Variants in SCN10A observed in about 807,000 individuals in gnomAD.
The protein encoded by SCN10A is sodium voltage-gated channel alpha subunit 10.
In SCN10A, 162 loss-of-function variants were observed where a neutral mutation model predicts 170.7. That is an observed-to-expected ratio of 0.95 (90% CI 0.84 to 1.08). The LOEUF is 1.08. Among genes scored for constraint, SCN10A ranks in the 50% least tolerant of loss-of-function variants. The pLI is 0.00. For missense variants in SCN10A, 2,527 were observed against 2,436.9 expected (o/e 1.04, Z -0.78); for synonymous variants, 985 against 904.6 (o/e 1.09, Z -1.59).
chr3:38,700,016 G>A (rs779142152), intron 27 of SCN10A, among the ~76,000 whole-genome samples: 6 of 152,100 alleles, frequency 3.9e-5, no homozygotes, highest in African/African-American at 7.2e-5. Flanking sequence ...ACTTGGCTAT[G>A]TTTTATTTCT....
At chr3:38,776,465 T>C (rs1264612875) in intron 4 of SCN10A, among the ~76,000 whole-genome samples, 2 of 152,122 alleles carry the variant, frequency 1.3e-5, no homozygotes, top group Non-Finnish European at 2.9e-5. Flanking sequence ...TGTAAATAAC[T>C]GTCAGGTGAC....
chr3:38,754,461 A>C (rs1173372961), intron 11 of SCN10A, among the ~76,000 whole-genome samples: 1 of 152,194 alleles, frequency 6.6e-6, no homozygotes, highest in African/African-American at 2.4e-5. Context: ...TCCCTTTGAA[A>C]GTAAGCATCA....
rs568341536 is a variant in SCN10A, at chr3:38,783,769, T to C, written c.470+5187A>G. Among the ~76,000 whole-genome samples, 21 of 152,186 alleles carry C rather than the reference T, an allele frequency of 1.4e-4. No individual in the cohort carries two copies. In the South Asian group the frequency reaches 4.4e-3, roughly 32 times the overall value. ...AGCATATGTATGCTTACACCTTTACTAGATAATACCCCTTGCTTTCCAAAG... is the reference window on the plus strand; with the variant it reads ...AGCATATGTATGCTTACACCTTTACCAGATAATACCCCTTGCTTTCCAAAG... On this transcript the variant is annotated intron_variant, in intron 4 of 27. Coordinates refer to ENST00000449082, the MANE Select transcript of SCN10A (RefSeq NM_006514.4).
At chr3:38,798,905 T>A (rs1373663566) in intron 1 of SCN10A, among the ~76,000 whole-genome samples, 1 of 143,688 alleles carries the variant, frequency 7.0e-6, no homozygotes, top group Non-Finnish European at 1.5e-5. Context: ...TCCTCCCACC[T>A]CAGCCTCCCA....
At chr3:38,747,408 G>C (rs2063703036) in intron 13 of SCN10A, among the ~76,000 whole-genome samples, 1 of 152,178 alleles carries the variant, frequency 6.6e-6, no homozygotes, top group African/African-American at 2.4e-5. Context: ...TTACAACCTA[G>C]TAAATCATAA....
chr3:38,749,513 G>C (rs911543900), intron 13 of SCN10A, among the ~76,000 whole-genome samples: 2 of 152,150 alleles, frequency 1.3e-5, no homozygotes, highest in Non-Finnish European at 2.9e-5. Flanking sequence ...TACATTGCTG[G>C]GGAGACTGAG....
intron 20 of SCN10A, among the ~76,000 whole-genome samples, chr3:38,721,903 G>A (rs977547026): frequency 6.6e-6 from 1 of 152,218 alleles, no homozygotes; most frequent in Non-Finnish European, 1.5e-5. Flanking sequence ...CAGGGGCTTC[G>A]GGATTAAATA....
At chr3:38,737,824 C>CTTTG (rs1265694277) in intron 15 of SCN10A, among the ~76,000 whole-genome samples, 3 of 122,500 alleles carry the variant, frequency 2.4e-5, no homozygotes, top group Non-Finnish European at 4.8e-5. Context: ...TTCTTTCTTT[C>CTTTG]TTTCTTTCTC....
At chr3:38,809,659 T>C (rs189670321) in intron 1 of SCN10A, among the ~76,000 whole-genome samples, 296 of 152,284 alleles carry the variant, frequency 1.9e-3, no homozygotes, top group Non-Finnish European at 3.7e-3. Flanking sequence ...TTGGGCATCT[T>C]CTCTTCTGGA....
intron 27 of SCN10A, 29 bp downstream of exon 27, chr3:38,701,810 G>C (rs1330111791): frequency 1.3e-6 from 2 of 1,574,194 alleles, no homozygotes; most frequent in South Asian, 1.2e-5. Flanking sequence ...CAGAGGTGGG[G>C]CTTCCCCACC....
At chr3:38,719,245 T>A (rs2063363254) in intron 20 of SCN10A, among the ~76,000 whole-genome samples, 2 of 152,176 alleles carry the variant, frequency 1.3e-5, no homozygotes, top group Non-Finnish European at 2.9e-5. Context: ...GAATGTTCTA[T>A]CTCACTGGTA....
Position 38,697,102 on chromosome 3 carries a change from C to T in SCN10A, c.*247G>A, listed in dbSNP as rs2063096605. The T allele has an allele frequency of 1.8e-6, 1 of 546,074 alleles. No individual in the cohort carries two copies. The highest frequency in any genetic ancestry group is 2.5e-5 in the South Asian group (1 of 40,032). 33.8% of individuals were successfully genotyped at this position (546,074 alleles called of 1,614,324 possible). A position where few individuals can be genotyped will look rare whatever the true frequency, so the allele number is the denominator to read the frequency against. ...GGATATTTTCTGGAGAGTAAGAGAA[C>T]CCATGATCTGATATTGAAATTCAGA... On this transcript the variant is annotated 3_prime_UTR_variant, in exon 28 of 28. Coordinates refer to ENST00000449082, the MANE Select transcript of SCN10A (RefSeq NM_006514.4).
intron 11 of SCN10A, among the ~76,000 whole-genome samples, chr3:38,755,337 T>C (rs569471272): frequency 5.9e-5 from 9 of 151,528 alleles, no homozygotes; most frequent in Non-Finnish European, 1.2e-4. Context: ...ACAGGGAACC[T>C]TGCACTCTAG....
Position 38,761,233 on chromosome 3 carries a change from A to C in SCN10A, c.842T>G (p.Met281Arg). ...GTAGTTGGTTGTCTCATTGACAGCC[A>C]TGTCATTCTTGACACATTTATTTTT... ...NLKNKCVKND[M>R]AVNETTNYSS... Residue 281 changes from methionine to arginine, a missense_variant, in exon 7 of 28, where the codon ATG becomes AGG. Physicochemically the swap from Met to Arg is moderately conservative, Grantham distance 91 (BLOSUM62 -1). Coordinates refer to ENST00000449082, the MANE Select transcript of SCN10A (RefSeq NM_006514.4). 27 of 1,609,378 alleles carry C rather than the reference A, an allele frequency of 1.7e-5. No homozygotes were observed. The highest frequency in any genetic ancestry group is 2.3e-5 in the Non-Finnish European group (27 of 1,176,566).
chr3:38,697,842 A>T lies in SCN10A; in HGVS notation c.5378T>A (p.Val1793Asp), dbSNP rs751754553. ...CAAGCAGTGGATCTTATCTCCAGGGACCAAAGGCAGGTCCATCTGGATCAG... is the reference window on the plus strand; with the variant it reads ...CAAGCAGTGGATCTTATCTCCAGGGTCCAAAGGCAGGTCCATCTGGATCAG... ...NILIQMDLPL[V>D]PGDKIHCLDI... The change falls in exon 28 of 28, where the codon GTC (valine) becomes GAC (aspartate). Residue 1793 changes from valine to aspartate, a missense_variant. By Grantham distance (152) the Val-to-Asp change is radical (BLOSUM62 -3). Transcript: ENST00000449082. The T allele has an allele frequency of 1.2e-6, 2 of 1,614,138 alleles. No individual in the cohort carries two copies. Among genetic ancestry groups the T allele is most frequent in the Admixed American group, 3.3e-5 (2 of 60,020 alleles).
In SCN10A at chr3:38,714,018, G is replaced by A. The variant is rs2063305130; in HGVS notation, c.3744C>T (p.Ala1248=). 4 of 1,614,152 alleles carry A rather than the reference G, an allele frequency of 2.5e-6. No homozygotes were observed. In the African/African-American group the frequency reaches 5.3e-5, roughly 22 times the overall value. ...GCCGCAGAGCGCGAAGGGTTCGAAG[G>A]GCTTTGATGGGAGCCACTTCAGAAT... ...LEYSEVAPIK[A]LRTLRALRPL... Residue 1248 remains alanine, a synonymous_variant, in exon 22 of 28, where the codon GCC becomes GCT. Coordinates refer to ENST00000449082, the MANE Select transcript of SCN10A (RefSeq NM_006514.4).
Position 38,779,073 on chromosome 3 carries a change from G to A in SCN10A, c.471-7666C>T, listed in dbSNP as rs73064536. On this transcript the variant is annotated intron_variant, in intron 4 of 27. Coordinates refer to ENST00000449082, the MANE Select transcript of SCN10A (RefSeq NM_006514.4). ...TTAAAATGTACACCCCTTTGACCTG[G>A]CAATTCTACTTCTAGAAATTCATCC... Among the ~76,000 whole-genome samples, 1,130 of 134,430 alleles carry A rather than the reference G, an allele frequency of 8.4e-3. 8 individuals carry two copies. The highest frequency in any genetic ancestry group is 0.011 in the Non-Finnish European group (689 of 62,650). 88.2% of individuals were successfully genotyped at this position (134,430 alleles called of 152,430 possible). A position where few individuals can be genotyped will look rare whatever the true frequency, so the allele number is the denominator to read the frequency against.
chr3:38,798,911 T>A (rs2064355863), intron 1 of SCN10A, among the ~76,000 whole-genome samples: 1 of 147,010 alleles, frequency 6.8e-6, no homozygotes, highest in Admixed American at 7.0e-5. Context: ...CACCTCAGCC[T>A]CCCAAGTAGT....
At chr3:38,739,764 A>G in intron 14 of SCN10A, 76 bp from the exon 15 acceptor site, 1 of 1,182,998 alleles carries the variant, frequency 8.5e-7, no homozygotes, top group Non-Finnish European at 1.2e-6. Context: ...CAGCAAGAAA[A>G]TGTCTTATTT....
Sources: allele counts gnomAD v4.1 joint callset (sites outside exome capture counted in the v4.1 genomes callset), GRCh38; gene constraint gnomAD v4.1.1; transcripts MANE v1.5; gene names NCBI Gene and HGNC (gene_info 2026-07-23, HGNC 2026-07-21).